Variants in KLHL14 observed in about 807,000 individuals in gnomAD.
The protein encoded by KLHL14 is kelch-like protein 14.
A neutral mutation model predicts 64.3 loss-of-function variants in KLHL14; 22 were observed. The ratio of observed to expected loss-of-function variants is 0.34; its 90% CI spans 0.24 to 0.49. The LOEUF is 0.49. Ranked by LOEUF, KLHL14 falls within the 20% of genes least tolerant of loss-of-function variation. KLHL14 has a pLI of 0.99. For synonymous variants in KLHL14, 322 were observed against 333.4 expected, an observed-to-expected ratio of 0.97 and a Z score of 0.37; for missense variants, 661 against 789.0, an observed-to-expected ratio of 0.84 and a Z score of 1.94.
rs1012167507 is a variant in KLHL14 at position 32,673,582 on chromosome 18, G to A, written c.*1075C>T. 7 of 152,200 alleles carry A rather than the reference G, an allele frequency of 4.6e-5. No individual in the cohort carries two copies. The highest frequency in any genetic ancestry group is 7.3e-5 in the Non-Finnish European group (5 of 68,044). 9.4% of individuals were successfully genotyped at this position (152,200 alleles called of 1,614,324 possible). On this transcript the variant is annotated 3_prime_UTR_variant, in exon 9 of 9. Coordinates refer to ENST00000359358, the MANE Select transcript of KLHL14 (RefSeq NM_020805.3). Reference sequence around the variant, plus strand: ...TGAATTGGGGGAATAACGATCGTAAGTCAAGTGTCTAGAGGCACCCGAAGG... The same window carrying A: ...TGAATTGGGGGAATAACGATCGTAAATCAAGTGTCTAGAGGCACCCGAAGG...
chr18:32,702,382 A>G (rs1442323895), intron 3 of KLHL14, among the ~76,000 whole-genome samples: 1 of 151,202 alleles, frequency 6.6e-6, no homozygotes, highest in Non-Finnish European at 1.5e-5. Context: ...TTTTATAGTA[A>G]ATGCAATTGA....
chr18:32,681,728 C>T (rs1598545961), intron 5 of KLHL14, among the ~76,000 whole-genome samples: 1 of 152,096 alleles, frequency 6.6e-6, no homozygotes, highest in South Asian at 2.1e-4. Flanking sequence ...TGTTCAATGT[C>T]GATTGCAAGA....
intron 7 of KLHL14, among the ~76,000 whole-genome samples, chr18:32,679,093 C>A (rs1486651855): frequency 6.6e-6 from 1 of 152,252 alleles, no homozygotes; most frequent in East Asian, 1.9e-4. Flanking sequence ...TAAAGAAAAT[C>A]CGTTCTCATT....
chr18:32,681,296 G>A (rs2049837392), intron 5 of KLHL14, among the ~76,000 whole-genome samples: 1 of 152,086 alleles, frequency 6.6e-6, no homozygotes, highest in Non-Finnish European at 1.5e-5. Context: ...TACAAGCTGT[G>A]TTGGAAAGAT....
In KLHL14 at chr18:32,693,411, C is replaced by CAGAG. The variant is rs1170904090; in HGVS notation, c.1159+2051_1159+2052insCTCT. On this transcript the variant is annotated intron_variant, in intron 4 of 8. Coordinates refer to ENST00000359358, the MANE Select transcript of KLHL14 (RefSeq NM_020805.3). Reference sequence around the variant, plus strand: ...ACACACACACACACACACACACACACACAGAGAGAGAGAGAGAGAGAGAGA... The same window carrying CAGAG: ...ACACACACACACACACACACACACACAGAGACAGAGAGAGAGAGAGAGAGAGAGA... Among the ~76,000 whole-genome samples, 230 of 112,994 alleles carry CAGAG rather than the reference C, an allele frequency of 2.0e-3. 1 individual carries two copies. The highest frequency in any genetic ancestry group is 3.0e-3 in the East Asian group (13 of 4,286). 74.1% of individuals were successfully genotyped at this position (112,994 alleles called of 152,430 possible). A position where few individuals can be genotyped will look rare whatever the true frequency, so the allele number is the denominator to read the frequency against.
intron 8 of KLHL14, among the ~76,000 whole-genome samples, chr18:32,675,419 AAG>A (rs1365189421): frequency 6.6e-6 from 1 of 152,186 alleles, no homozygotes; most frequent in African/African-American, 2.4e-5. Context: ...TAAAAAAGAA[AAG>A]AGAACAAATT....
In KLHL14 at chr18:32,677,233, G is replaced by A. The variant is rs2049815745; in HGVS notation, c.1686C>T (p.Gly562=). The change falls in exon 8 of 9, where the codon GGC becomes GGT. Residue 562 remains glycine (G), a synonymous_variant. Transcript: ENST00000359358. ...TGTCATCAAGCACTGCACAGCCAGGGCCACTTCGACCCTCCAAAATGGGAG... is the reference window on the plus strand; with the variant it reads ...TGTCATCAAGCACTGCACAGCCAGGACCACTTCGACCCTCCAAAATGGGAG... ...LQTPILEGRS[G]PGCAVLDDSI... 6.2e-7 allele frequency: 1 copy of A among 1,613,556 alleles called. No individual in the cohort carries two copies. The highest frequency in any genetic ancestry group is 1.3e-5 in the African/African-American group (1 of 74,892).
At chr18:32,733,755 CA>C (rs1017296246) in intron 3 of KLHL14, 20 of 165,062 alleles carry the variant, frequency 1.2e-4, no homozygotes, top group South Asian at 3.4e-4. Context: ...CATGGGAAAA[CA>C]AAAAAAATAA....
chr18:32,696,246 C>A (rs2049936204), intron 3 of KLHL14, among the ~76,000 whole-genome samples: 1 of 152,108 alleles, frequency 6.6e-6, no homozygotes, highest in African/African-American at 2.4e-5. Context: ...CTTGCCTCTC[C>A]CTTCTCTCTG....
At chr18:32,762,204 G>A (rs1186758201) in intron 2 of KLHL14, among the ~76,000 whole-genome samples, 4 of 151,558 alleles carry the variant, frequency 2.6e-5, no homozygotes, top group Non-Finnish European at 5.9e-5. Context: ...TTTTTCTTGT[G>A]AAAATATTTT....
At chr18:32,765,958 C>T (rs907996500) in intron 2 of KLHL14, among the ~76,000 whole-genome samples, 9 of 151,888 alleles carry the variant, frequency 5.9e-5, no homozygotes, top group Non-Finnish European at 1.3e-4. Flanking sequence ...CTACATGGGA[C>T]GTAATAGCTA....
intron 7 of KLHL14, among the ~76,000 whole-genome samples, chr18:32,677,767 T>C (rs1209792691): frequency 1.3e-5 from 2 of 152,198 alleles, no homozygotes; most frequent in Non-Finnish European, 2.9e-5. Flanking sequence ...CTCACTTTCA[T>C]TTTATAGATA....
intron 3 of KLHL14, among the ~76,000 whole-genome samples, chr18:32,699,142 A>G (rs2049950832): frequency 6.6e-6 from 1 of 152,184 alleles, no homozygotes; most frequent in South Asian, 2.1e-4. Context: ...GAGCAATAAA[A>G]TGCCCTGAGA....
In KLHL14 at chr18:32,684,060, T is replaced by C. The variant is rs371213394; in HGVS notation, c.1238+3095A>G. On this transcript the variant is annotated intron_variant, in intron 5 of 8. Coordinates refer to ENST00000359358, the MANE Select transcript of KLHL14 (RefSeq NM_020805.3). ...CTATTTTTTTAGATTAGCTAGGGAG[T>C]AAGATCTCCATAAGAATAACACTTC... 3.1e-4 allele frequency among the ~76,000 whole-genome samples: 47 copies of C among 152,214 alleles called. No homozygotes were observed. In the East Asian group the frequency reaches 5.2e-3, roughly 17 times the overall value.
chr18:32,720,628 C>T (rs1006909379), intron 3 of KLHL14, among the ~76,000 whole-genome samples: 4 of 152,048 alleles, frequency 2.6e-5, no homozygotes, highest in African/African-American at 7.2e-5. Context: ...GTTCAGGATG[C>T]GAAGGGGGCT....
chr18:32,720,102 G>A (rs2050069574), intron 3 of KLHL14, among the ~76,000 whole-genome samples: 1 of 152,244 alleles, frequency 6.6e-6, no homozygotes, highest in South Asian at 2.1e-4. Flanking sequence ...ACTGGCCTGG[G>A]TGTCAGCAGG....
Position 32,683,882 on chromosome 18 carries a change from T to C in KLHL14, c.1238+3273A>G, listed in dbSNP as rs2049856583. 2.0e-5 allele frequency among the ~76,000 whole-genome samples: 3 copies of C among 152,324 alleles called. No homozygotes were observed. The South Asian group carries it at 6.2e-4, about 32-fold the overall frequency. ...ACAATGGATATGTTAGAAAGAATAT[T>C]GTCTCCCATTGTTTCTTGTAACACA... On this transcript the variant is annotated intron_variant, in intron 5 of 8. Coordinates refer to ENST00000359358, the MANE Select transcript of KLHL14 (RefSeq NM_020805.3). This position sits in a 1 kb window ranked among gnomAD's most constrained non-coding sequence, Gnocchi z 4.2.
At chr18:32,757,990 A>G (rs913071778) in intron 2 of KLHL14, among the ~76,000 whole-genome samples, 4 of 152,216 alleles carry the variant, frequency 2.6e-5, no homozygotes, top group Non-Finnish European at 5.9e-5. Flanking sequence ...TACCATAAGA[A>G]GCCCTATGAT....
At chr18:32,742,139 C>T (rs759519095) in intron 2 of KLHL14, 90 bp from the exon 3 acceptor site, 13 of 1,405,642 alleles carry the variant, frequency 9.2e-6, no homozygotes, top group Middle Eastern at 1.8e-4. Context: ...AAGAATGTTC[C>T]TTGCTTGCAG....
Sources: gnomAD v4.1 joint callset for allele counts (sites outside exome capture counted in the v4.1 genomes callset) on GRCh38, gnomAD v4.1.1 for gene constraint, Gnocchi (gnomAD v3.1) non-coding constraint, MANE v1.5 for transcripts, NCBI Gene and HGNC (gene_info 2026-07-23, HGNC 2026-07-21) for gene names.